CSMD1: variants seen among roughly 807,000 people sequenced by gnomAD.
CSMD1 encodes CUB and sushi domain-containing protein 1.
In CSMD1, 213 loss-of-function variants were observed where a neutral mutation model predicts 417.5. That is an observed-to-expected ratio of 0.51 (90% CI 0.46 to 0.57). The LOEUF (loss-of-function observed/expected upper bound fraction) is 0.57. Among genes scored for constraint, CSMD1 ranks in the 20% least tolerant of loss-of-function variants. The pLI, the probability that CSMD1 is intolerant of heterozygous loss-of-function variation, is 0.00. For synonymous variants in CSMD1, 2,862 were observed against 1,736.8 expected (o/e 1.65, Z -16.11); for missense variants, 6,923 against 4,529.7 (o/e 1.53, Z -15.17).
At chr8:3,277,233 A>C (rs1389440928) in intron 26 of CSMD1, among the ~76,000 whole-genome samples, 1 of 152,082 alleles carries the variant, frequency 6.6e-6, no homozygotes. Flanking sequence ...TATTTTTGGC[A>C]GTGGGGAGAA....
intron 10 of CSMD1, among the ~76,000 whole-genome samples, chr8:3,510,661 T>C (rs1797026132): frequency 7.7e-6 from 1 of 129,556 alleles, no homozygotes; most frequent in South Asian, 2.5e-4. Flanking sequence ...TCAGATTATG[T>C]AAGATATAGA....
chr8:4,114,583 C>T (rs1802033073), intron 3 of CSMD1, among the ~76,000 whole-genome samples: 2 of 151,962 alleles, frequency 1.3e-5, no homozygotes, highest in African/African-American at 4.8e-5. Flanking sequence ...CTATAGCTTT[C>T]ATAGGTAGGG....
intron 5 of CSMD1, among the ~76,000 whole-genome samples, chr8:3,834,808 A>G (rs995556835): frequency 1.3e-5 from 2 of 152,048 alleles, no homozygotes; most frequent in African/African-American, 2.4e-5. Flanking sequence ...AAATTTTCAC[A>G]ACCTACTCAT....
chr8:4,758,888 C>G (rs1811842959), intron 1 of CSMD1, among the ~76,000 whole-genome samples: 1 of 152,106 alleles, frequency 6.6e-6, no homozygotes, highest in Non-Finnish European at 1.5e-5. Context: ...GGTGAGGACA[C>G]AAAGCTTAAC....
At chr8:4,126,418 G>C (rs551613054) in intron 3 of CSMD1, among the ~76,000 whole-genome samples, 1 of 152,164 alleles carries the variant, frequency 6.6e-6, no homozygotes, top group East Asian at 1.9e-4. Flanking sequence ...TCACAGGACA[G>C]CACCCTAGCG....
intron 1 of CSMD1, among the ~76,000 whole-genome samples, chr8:4,707,511 T>C (rs955455684): frequency 6.6e-6 from 1 of 151,918 alleles, no homozygotes; most frequent in Non-Finnish European, 1.5e-5. Context: ...AGCGTAGGAG[T>C]CCGTGAACAG....
chr8:4,363,454 A>G (rs1373346392), intron 3 of CSMD1, among the ~76,000 whole-genome samples: 2 of 152,128 alleles, frequency 1.3e-5, no homozygotes, highest in Non-Finnish European at 2.9e-5. Flanking sequence ...GGGTCTTTCC[A>G]GCTCTATCTT....
chr8:4,046,104 G>A (rs943503335), intron 3 of CSMD1, among the ~76,000 whole-genome samples: 1 of 151,828 alleles, frequency 6.6e-6, no homozygotes, highest in South Asian at 2.1e-4. Context: ...ATATAATAAT[G>A]TATTCTATAG....
chr8:4,854,406 C>T (rs554389419), intron 1 of CSMD1, among the ~76,000 whole-genome samples: 5 of 152,104 alleles, frequency 3.3e-5, no homozygotes, highest in African/African-American at 7.2e-5. Flanking sequence ...CACTCCGGAT[C>T]GAGCCAAGAT....
chr8:3,911,491 G>A (rs1212716605), intron 5 of CSMD1, among the ~76,000 whole-genome samples: 1 of 148,486 alleles, frequency 6.7e-6, no homozygotes, highest in Non-Finnish European at 1.5e-5. Context: ...TTGCGCCACT[G>A]CACTCCAGCC....
chr8:4,788,343 T>C, intron 1 of CSMD1: 2 of 1,523,438 alleles, frequency 1.3e-6, no homozygotes, highest in Non-Finnish European at 1.8e-6. Flanking sequence ...GAACACTGCA[T>C]ATCCAGTTAT....
At chr8:4,706,450 A>C (rs1339898469) in intron 1 of CSMD1, among the ~76,000 whole-genome samples, 1 of 152,246 alleles carries the variant, frequency 6.6e-6, no homozygotes, top group African/African-American at 2.4e-5. Context: ...TGAGCTCAGT[A>C]ATTCACAAAT....
intron 6 of CSMD1, among the ~76,000 whole-genome samples, chr8:3,727,804 T>C (rs567659688): frequency 6.6e-6 from 1 of 152,310 alleles, no homozygotes; most frequent in Admixed American, 6.5e-5. Flanking sequence ...GAAACGCAGG[T>C]ACATGCCACA....
intron 1 of CSMD1, among the ~76,000 whole-genome samples, chr8:4,946,437 G>C (rs1190939204): frequency 1.3e-5 from 2 of 152,166 alleles, no homozygotes; most frequent in Admixed American, 1.3e-4. Context: ...TGGACCGTGT[G>C]TTGAGTGACA....
chr8:4,232,854 T>C (rs146714596), intron 3 of CSMD1, among the ~76,000 whole-genome samples: 1 of 152,144 alleles, frequency 6.6e-6, no homozygotes, highest in Non-Finnish European at 1.5e-5. Flanking sequence ...TTTATATATT[T>C]ATTTTAGGGG....
chr8:3,250,196 T>C (rs1800161514), intron 26 of CSMD1, among the ~76,000 whole-genome samples: 1 of 152,228 alleles, frequency 6.6e-6, no homozygotes, highest in South Asian at 2.1e-4. Flanking sequence ...CTCCAAATAC[T>C]ATCCCTCCCT....
chr8:3,906,171 G>T (rs908429026), intron 5 of CSMD1, among the ~76,000 whole-genome samples: 4 of 152,076 alleles, frequency 2.6e-5, no homozygotes, highest in Non-Finnish European at 4.4e-5. Context: ...ACCTGCATTT[G>T]TGATATGGGT....
At chr8:4,190,353 C>A (rs545996613) in intron 3 of CSMD1, among the ~76,000 whole-genome samples, 1 of 150,602 alleles carries the variant, frequency 6.6e-6, no homozygotes, top group East Asian at 2.0e-4. Context: ...TAACTTCTAA[C>A]AGCCTCAGTT....
intron 1 of CSMD1, among the ~76,000 whole-genome samples, chr8:4,892,828 A>G (rs931463045): frequency 1.3e-5 from 2 of 152,094 alleles, no homozygotes; most frequent in Admixed American, 1.3e-4. Flanking sequence ...GCTACTCCAT[A>G]GTATAAACAC....
Sources: allele counts gnomAD v4.1 joint callset (sites outside exome capture counted in the v4.1 genomes callset), GRCh38; gene constraint gnomAD v4.1.1; transcripts MANE v1.5; gene names NCBI Gene and HGNC (gene_info 2026-07-23, HGNC 2026-07-21).